The following ARK2C variants were observed in gnomAD, a reference collection of about 807,000 sequenced individuals.
The protein encoded by ARK2C is E3 ubiquitin-protein ligase ARK2C.
the ARK2C span, among the ~76,000 whole-genome samples, chr18:46,454,182 C>G: frequency 7.4e-6 from 1 of 135,256 alleles, no homozygotes; most frequent in African/African-American, 2.7e-5. Context: ...ATAGATTAGA[C>G]AGCAAAACAA....
At chr18:46,371,193 TCAATTATCTCCACCTGGC>T in the ARK2C span, among the ~76,000 whole-genome samples, 1 of 152,130 alleles carries the variant, frequency 6.6e-6, no homozygotes, top group African/African-American at 2.4e-5. Context: ...CTCCCATGAA[TCAATTATCTCCACCTGGC>T]CCTGCCCTTG....
At chr18:46,435,197 C>G in the ARK2C span, 1 of 1,046,894 alleles carries the variant, frequency 9.6e-7, no homozygotes. Context: ...AAGAGTGGGG[C>G]ACCCTCAGGC....
At chr18:46,429,814 C>CCAGG in the ARK2C span, among the ~76,000 whole-genome samples, 1 of 151,848 alleles carries the variant, frequency 6.6e-6, no homozygotes, top group Admixed American at 6.6e-5. Context: ...GCTATGTTGT[C>CCAGG]CAGGCTGGTC....
At chr18:46,337,327 A>C in the ARK2C span, 5 of 985,090 alleles carry the variant, frequency 5.1e-6, no homozygotes, top group Non-Finnish European at 6.0e-6. Flanking sequence ...TTTGTGGGTA[A>C]TTTTTTCTGT....
the ARK2C span, among the ~76,000 whole-genome samples, chr18:46,371,020 T>C: frequency 1.3e-5 from 2 of 152,152 alleles, no homozygotes; most frequent in Non-Finnish European, 1.5e-5. Context: ...CAGTTCCACA[T>C]GGCTAGGGAG....
the ARK2C span, among the ~76,000 whole-genome samples, chr18:46,363,846 G>A: frequency 6.6e-6 from 1 of 151,950 alleles, no homozygotes; most frequent in Non-Finnish European, 1.5e-5. Flanking sequence ...ACCGTTGAGG[G>A]TGTGACCTCC....
chr18:46,372,296 T>G, the ARK2C span, among the ~76,000 whole-genome samples: 2 of 152,148 alleles, frequency 1.3e-5, no homozygotes, highest in African/African-American at 4.8e-5. Context: ...GTTGCACTCA[T>G]CCAGCCACCC....
At chr18:46,424,880 C>G in the ARK2C span, among the ~76,000 whole-genome samples, 1 of 152,248 alleles carries the variant, frequency 6.6e-6, no homozygotes, top group Non-Finnish European at 1.5e-5. Flanking sequence ...TCACTGGCCT[C>G]TGTGGGCAGA....
the ARK2C span, among the ~76,000 whole-genome samples, chr18:46,396,194 C>T: frequency 6.6e-6 from 1 of 152,180 alleles, no homozygotes; most frequent in Non-Finnish European, 1.5e-5. Context: ...AAAGCCAGCC[C>T]ACATTCAAAG....
chr18:46,334,289 C>A, the ARK2C span: 1 of 1,577,510 alleles, frequency 6.3e-7, no homozygotes, highest in Non-Finnish European at 8.6e-7. This position sits in a 1 kb window ranked among gnomAD's most constrained non-coding sequence, Gnocchi z 4.4. Context: ...TCCTGGTCCA[C>A]GTCGGCTATC....
chr18:46,372,626 C>T, the ARK2C span, among the ~76,000 whole-genome samples: 1 of 152,174 alleles, frequency 6.6e-6, no homozygotes, highest in Non-Finnish European at 1.5e-5. Flanking sequence ...ATGAGAGAGG[C>T]TGGCCTAAGG....
the ARK2C span, among the ~76,000 whole-genome samples, chr18:46,371,964 G>C: frequency 1.3e-5 from 2 of 152,128 alleles, no homozygotes; most frequent in East Asian, 1.9e-4. Flanking sequence ...GACTCCTAAC[G>C]TACTAGACTT....
the ARK2C span, among the ~76,000 whole-genome samples, chr18:46,366,423 C>G: frequency 6.6e-6 from 1 of 152,156 alleles, no homozygotes; most frequent in Non-Finnish European, 1.5e-5. Context: ...TCTCCGCAAG[C>G]CCAGCCCAGC....
chr18:46,415,264 T>C, the ARK2C span, among the ~76,000 whole-genome samples: 1 of 152,170 alleles, frequency 6.6e-6, no homozygotes, highest in Non-Finnish European at 1.5e-5. Flanking sequence ...TTCACACCTG[T>C]AATCCCAACA....
the ARK2C span, chr18:46,450,332 C>T: frequency 8.1e-6 from 13 of 1,614,124 alleles, no homozygotes; most frequent in Non-Finnish European, 1.1e-5. Context: ...TTACCCTCAG[C>T]TTCACTTCCT....
the ARK2C span, among the ~76,000 whole-genome samples, chr18:46,428,876 T>C: frequency 0.99 from 151,191 of 152,334 alleles, 75,032 homozygotes; most frequent in East Asian, 1. Flanking sequence ...ATAATTCTGT[T>C]GGACAGTGCT....
At chr18:46,458,495 CT>C in the ARK2C span, 12 of 152,640 alleles carry the variant, frequency 7.9e-5, no homozygotes, top group African/African-American at 2.4e-4. Context: ...GGACAGGATA[CT>C]TGTCACATAT....
At chr18:46,364,407 A>T in the ARK2C span, among the ~76,000 whole-genome samples, 5 of 47,078 alleles carry the variant, frequency 1.1e-4, no homozygotes, top group African/African-American at 8.2e-4. Flanking sequence ...AAGAAACTTA[A>T]AAAAAAAAAA....
At chr18:46,436,399 G>A in the ARK2C span, among the ~76,000 whole-genome samples, 1 of 152,094 alleles carries the variant, frequency 6.6e-6, no homozygotes, top group African/African-American at 2.4e-5. Context: ...AGGGTATACA[G>A]GAATTCTTTA....
Sources: gnomAD v4.1 joint callset for allele counts (sites outside exome capture counted in the v4.1 genomes callset) on GRCh38, gnomAD v4.1.1 for gene constraint, Gnocchi (gnomAD v3.1) non-coding constraint, MANE v1.5 for transcripts, NCBI Gene and HGNC (gene_info 2026-07-23, HGNC 2026-07-21) for gene names.